Variants in TPO observed in about 807,000 individuals in gnomAD.
TPO encodes thyroid microsomal antigen.
A neutral mutation model predicts 96.9 loss-of-function variants in TPO; 78 were observed. The ratio of observed to expected loss-of-function variants is 0.81; its 90% CI spans 0.67 to 0.97. The LOEUF (loss-of-function observed/expected upper bound fraction) is 0.97. Among genes scored for constraint, TPO ranks in the 50% least tolerant of loss-of-function variants. The probability of loss-of-function intolerance (pLI) is 0.00; values close to 1 mark genes in which losing one functional copy is unlikely to be tolerated. For synonymous variants in TPO, 547 were observed against 538.0 expected (o/e 1.02, Z -0.23); for missense variants, 1,252 against 1,274.8 (o/e 0.98, Z 0.27).
At position 1,386,313 on chromosome 2, in the gene TPO, G is replaced by T. The variant is rs547688303; in HGVS notation, n.180+11911G>T. On this transcript the variant is annotated intron_variant and non_coding_transcript_variant, in intron 1 of 5. Transcript: ENST00000497517. ...TGATCTGTCTAATGTTGACAGTGGG[G>T]TGTTAAAGTCTCCCATTATTATTGT... 7.2e-5 allele frequency among the ~76,000 whole-genome samples: 11 copies of T among 152,244 alleles called. No homozygotes were observed. The East Asian group carries it at 2.1e-3, about 29-fold the overall frequency.
In TPO at chr2:1,477,222, G is replaced by A; in HGVS notation, c.956G>A (p.Gly319Glu). Residue 319 changes from glycine to glutamate, a missense_variant, in exon 8 of 17, where the codon GGG becomes GAG. Gly to Glu is a moderately conservative substitution (Grantham distance 98). Transcript: ENST00000329066. Reference sequence around the variant, plus strand: ...GCCAACCCGCGGCAGCAGATGAACGGGTTGACCTCGTTCCTGGACGCGTCC... The same window carrying A: ...GCCAACCCGCGGCAGCAGATGAACGAGTTGACCTCGTTCCTGGACGCGTCC... ...STANPRQQMNGLTSFLDASTV... is the reference protein window; with the variant it reads ...STANPRQQMNELTSFLDASTV... 6.2e-7 allele frequency: 1 copy of A among 1,609,706 alleles called. No individual in the cohort carries two copies. The highest frequency in any genetic ancestry group is 2.2e-5 in the East Asian group (1 of 44,732).
intron 14 of TPO, among the ~76,000 whole-genome samples, chr2:1,510,653 A>G (rs981966117): frequency 5.3e-5 from 8 of 152,116 alleles, no homozygotes; most frequent in African/African-American, 1.9e-4. Flanking sequence ...GCCTAAGAGA[A>G]CTTGCCCACT....
At chr2:1,437,419 C>T (rs1422995129) in intron 5 of TPO, among the ~76,000 whole-genome samples, 1 of 150,682 alleles carries the variant, frequency 6.6e-6, no homozygotes, top group Non-Finnish European at 1.5e-5. Flanking sequence ...CTCCTCACTG[C>T]TGGGTGTGCT....
rs868303692 is a variant in TPO, at chr2:1,480,724, G to A, written c.1338+3120G>A. Among the ~76,000 whole-genome samples, 156 of 131,948 alleles carry A rather than the reference G, an allele frequency of 1.2e-3. 1 individual carries two copies. Among genetic ancestry groups the A allele is most frequent in the Non-Finnish European group, 2.2e-3 (125 of 57,648 alleles). 86.6% of individuals were successfully genotyped at this position (131,948 alleles called of 152,430 possible). On this transcript the variant is annotated intron_variant, in intron 8 of 16. Transcript: ENST00000329066. Reference sequence around the variant, plus strand: ...ACACCACCTCCCTCCTCCTTCATCCGTCCAAACCATGTTTCTCCTGCTGCA... The same window carrying A: ...ACACCACCTCCCTCCTCCTTCATCCATCCAAACCATGTTTCTCCTGCTGCA...
chr2:1,484,317 T>C (rs1007622155), intron 8 of TPO, among the ~76,000 whole-genome samples: 2 of 152,194 alleles, frequency 1.3e-5, no homozygotes, highest in South Asian at 2.1e-4. Flanking sequence ...CCGGTGGCCA[T>C]TGTTGGCTCG....
intron 14 of TPO, among the ~76,000 whole-genome samples, chr2:1,504,653 C>A (rs139277753): frequency 6.6e-6 from 1 of 152,220 alleles, no homozygotes; most frequent in Admixed American, 6.5e-5. Flanking sequence ...GTGCCAGCTA[C>A]GCCCAAACTT....
intron 14 of TPO, 125 bp downstream of exon 14, chr2:1,504,204 C>T (rs991479440): frequency 1.3e-6 from 2 of 1,546,282 alleles, no homozygotes; most frequent in African/African-American, 2.7e-5. Flanking sequence ...ATGAATAAGA[C>T]ACCAAGCCCA....
intron 1 of TPO, among the ~76,000 whole-genome samples, chr2:1,400,568 CAAA>C (rs34242408): frequency 1.5e-4 from 11 of 71,594 alleles, no homozygotes; most frequent in African/African-American, 5.5e-4. Context: ...GACTCTGTCT[CAAA>C]AAAAAAAAAA....
rs576605634 is a variant in TPO at position 1,377,264 on chromosome 2, G to A, written n.180+2862G>A. On this transcript the variant is annotated intron_variant and non_coding_transcript_variant, in intron 1 of 5. Coordinates refer to the TPO transcript ENST00000497517. ...ATTTTTCAGCTTGACTTACACAGAA[G>A]AAAGTCGTATGCATTGGAATACGGT... 3.9e-3 allele frequency among the ~76,000 whole-genome samples: 589 copies of A among 152,292 alleles called. 4 individuals carry two copies. Among genetic ancestry groups the A allele is most frequent in the African/African-American group, 0.014 (564 of 41,562 alleles).
intron 13 of TPO, 67 bp downstream of exon 13, chr2:1,496,832 T>C (rs977571438): frequency 6.2e-7 from 1 of 1,610,010 alleles, no homozygotes; most frequent in Non-Finnish European, 8.5e-7. Context: ...AACAATGCAA[T>C]GTCATTGAAA....
intron 2 of TPO, among the ~76,000 whole-genome samples, chr2:1,421,141 C>G (rs146603469): frequency 6.6e-6 from 1 of 152,082 alleles, no homozygotes; most frequent in Non-Finnish European, 1.5e-5. Context: ...CCACAGTGAC[C>G]GAGGCTGAGA....
upstream of TPO, among the ~76,000 whole-genome samples, chr2:1,412,417 G>A (rs376004061): frequency 4.6e-5 from 7 of 152,094 alleles, no homozygotes; most frequent in East Asian, 1.9e-4. Context: ...CTCAGGGTGC[G>A]TGGGGGGATT....
chr2:1,402,959 G>A (rs1460675581), intron 1 of TPO, among the ~76,000 whole-genome samples: 1 of 152,106 alleles, frequency 6.6e-6, no homozygotes, highest in Non-Finnish European at 1.5e-5. Context: ...CTTCATTTCC[G>A]GCATCCTCAT....
chr2:1,423,449 G>A (rs571942158), intron 3 of TPO, among the ~76,000 whole-genome samples: 2 of 152,266 alleles, frequency 1.3e-5, no homozygotes, highest in Admixed American at 6.5e-5. Flanking sequence ...GATTAAGGAG[G>A]AAAAGAGAGA....
intron 5 of TPO, among the ~76,000 whole-genome samples, chr2:1,443,197 C>A (rs1238708160): frequency 6.6e-6 from 1 of 152,106 alleles, no homozygotes; most frequent in East Asian, 1.9e-4. Context: ...ATGGTGTAGG[C>A]AATGCCGCAG....
intron 8 of TPO, among the ~76,000 whole-genome samples, chr2:1,481,842 C>G (rs1670673430): frequency 6.6e-6 from 1 of 152,172 alleles, no homozygotes; most frequent in African/African-American, 2.4e-5. Flanking sequence ...CTGGTCGTTC[C>G]TCTCCAGGGG....
Position 1,480,193 on chromosome 2 carries a change from A to G in TPO, c.1338+2589A>G, listed in dbSNP as rs1670406041. On this transcript the variant is annotated intron_variant, in intron 8 of 16. Coordinates refer to ENST00000329066, the MANE Select transcript of TPO (RefSeq NM_001206744.2). ...CATTTTCTGTGTGTTCTGCTTTTTA[A>G]AAAACTGTGAACATTCTTTTCTTCT... Among the ~76,000 whole-genome samples the G allele has an allele frequency of 2.6e-5, 4 of 152,306 alleles. No homozygotes were observed. The South Asian group carries it at 6.2e-4, about 24-fold the overall frequency.
At chr2:1,471,440 A>C (rs563145223) in intron 7 of TPO, among the ~76,000 whole-genome samples, 9 of 146,104 alleles carry the variant, frequency 6.2e-5, no homozygotes, top group African/African-American at 2.3e-4. Context: ...TTTTCCTGTG[A>C]CCCCCCCCCA....
upstream of TPO, among the ~76,000 whole-genome samples, chr2:1,409,789 TGC>T (rs1417270384): frequency 9.8e-6 from 1 of 102,366 alleles, no homozygotes; most frequent in Non-Finnish European, 2.0e-5. Flanking sequence ...CAAAAAACAG[TGC>T]GCGCACACAC....
Sources: gnomAD v4.1 joint callset for allele counts (sites outside exome capture counted in the v4.1 genomes callset) on GRCh38, gnomAD v4.1.1 for gene constraint, MANE v1.5 for transcripts, NCBI Gene and HGNC (gene_info 2026-07-23, HGNC 2026-07-21) for gene names.